HS3ST4: variants seen among roughly 807,000 people sequenced by gnomAD.
HS3ST4 encodes the protein heparan sulfate-glucosamine 3-sulfotransferase 4.
In HS3ST4, 17 loss-of-function variants were observed where a neutral mutation model predicts 29.2. The ratio of observed to expected loss-of-function variants is 0.58; its 90% confidence interval spans 0.40 to 0.87. HS3ST4 has a LOEUF of 0.87. HS3ST4 is among the 40% of genes least tolerant of loss of function. The probability of loss-of-function intolerance (pLI) is 0.00; values close to 1 mark genes in which losing one functional copy is unlikely to be tolerated. For missense variants in HS3ST4, 627 were observed against 634.5 expected, an observed-to-expected ratio of 0.99 and a Z score of 0.13; for synonymous variants, 314 against 285.7, an observed-to-expected ratio of 1.10 and a Z score of -1.00.
intron 1 of HS3ST4, among the ~76,000 whole-genome samples, chr16:25,777,966 G>T (rs1020399110): frequency 1.3e-5 from 2 of 152,154 alleles, no homozygotes; most frequent in Non-Finnish European, 2.9e-5. Context: ...CATGGTGTAT[G>T]CTTAGGAGAG....
At chr16:25,710,027 C>T (rs1292010231) in intron 1 of HS3ST4, among the ~76,000 whole-genome samples, 1 of 152,236 alleles carries the variant, frequency 6.6e-6, no homozygotes, top group East Asian at 1.9e-4. Flanking sequence ...AATTTAACAA[C>T]TAGATAGCCT....
intron 1 of HS3ST4, among the ~76,000 whole-genome samples, chr16:26,041,159 G>A (rs1427348986): frequency 1.3e-5 from 2 of 152,234 alleles, no homozygotes; most frequent in Non-Finnish European, 2.9e-5. Context: ...GCAACACAGT[G>A]AGACCTCGTC....
chr16:25,808,452 A>G (rs899828072), intron 1 of HS3ST4, among the ~76,000 whole-genome samples: 2 of 152,066 alleles, frequency 1.3e-5, no homozygotes, highest in African/African-American at 4.8e-5. Flanking sequence ...TTTCTAGCTT[A>G]TGTTTTCTCT....
intron 1 of HS3ST4, among the ~76,000 whole-genome samples, chr16:25,991,561 A>AT (rs1046002721): frequency 6.6e-6 from 1 of 152,230 alleles, no homozygotes; most frequent in Non-Finnish European, 1.5e-5. Context: ...AGCAAAGAAT[A>AT]TACTTCAAAT....
At chr16:26,069,560 AT>A (rs201055901) in intron 1 of HS3ST4, among the ~76,000 whole-genome samples, 2,620 of 150,170 alleles carry the variant, frequency 0.017, 62 homozygotes, top group African/African-American at 0.055. Flanking sequence ...ATATATATAT[AT>A]TTTTTTTTAT....
At chr16:25,992,912 C>A (rs1471652664) in intron 1 of HS3ST4, among the ~76,000 whole-genome samples, 2 of 152,150 alleles carry the variant, frequency 1.3e-5, no homozygotes, top group Non-Finnish European at 1.5e-5. Flanking sequence ...ATGCCAGATG[C>A]CACCAGGACA....
chr16:26,014,698 T>G (rs1969345796), intron 1 of HS3ST4, among the ~76,000 whole-genome samples: 2 of 152,258 alleles, frequency 1.3e-5, no homozygotes, highest in African/African-American at 2.4e-5. Flanking sequence ...GGCTGCATAG[T>G]ATTCCATGGT....
At chr16:25,902,386 C>T (rs1968127861) in intron 1 of HS3ST4, among the ~76,000 whole-genome samples, 1 of 152,024 alleles carries the variant, frequency 6.6e-6, no homozygotes, top group African/African-American at 2.4e-5. Flanking sequence ...GTCTCAGCTA[C>T]TCTGGAGGCT....
chr16:25,723,954 A>G (rs1966513397), intron 1 of HS3ST4, among the ~76,000 whole-genome samples: 1 of 152,036 alleles, frequency 6.6e-6, no homozygotes, highest in African/African-American at 2.4e-5. Context: ...TCTACTAAAC[A>G]TACAAAAAAA....
At chr16:25,877,710 C>T (rs1967847304) in intron 1 of HS3ST4, among the ~76,000 whole-genome samples, 1 of 141,952 alleles carries the variant, frequency 7.0e-6, no homozygotes, top group Admixed American at 7.3e-5. Flanking sequence ...TAAGAAATGT[C>T]TATTGTTTTA....
intron 1 of HS3ST4, among the ~76,000 whole-genome samples, chr16:25,946,385 G>A (rs1968626587): frequency 6.6e-6 from 1 of 152,230 alleles, no homozygotes; most frequent in African/African-American, 2.4e-5. Flanking sequence ...CAAAGTCTCA[G>A]AGAAATCAAG....
chr16:25,692,436 C>A lies in HS3ST4; in HGVS notation c.19C>A (p.Pro7Thr). Residue 7 changes from proline (P) to threonine (T), a missense_variant, in exon 1 of 2, where the codon CCT becomes ACT. Pro to Thr is a conservative substitution (Grantham distance 38). Coordinates refer to ENST00000331351, the MANE Select transcript of HS3ST4 (RefSeq NM_006040.3). ...AGCCGCGATGGCCCGGTGGCCCGCA[C>A]CTCCTCCGCCTCCGCCTCCGCCTCC... is the stretch of plus-strand genomic sequence containing the variant. Reference protein sequence around the residue: MARWPAPPPPPPPPPPL... With the variant: MARWPATPPPPPPPPPL... The A allele has an allele frequency of 1.7e-6, 2 of 1,188,270 alleles. No homozygotes were observed. Among genetic ancestry groups the A allele is most frequent in the Non-Finnish European group, 2.1e-6 (2 of 948,514 alleles). 73.6% of individuals were successfully genotyped at this position (1,188,270 alleles called of 1,614,324 possible). A position where few individuals can be genotyped will look rare whatever the true frequency, so the allele number is the denominator to read the frequency against.
chr16:26,017,717 C>A (rs565627051), intron 1 of HS3ST4, among the ~76,000 whole-genome samples: 96 of 152,132 alleles, frequency 6.3e-4, no homozygotes, highest in African/African-American at 2.2e-3. Context: ...ATGGGATCTT[C>A]AAGAGAGAAA....
intron 1 of HS3ST4, among the ~76,000 whole-genome samples, chr16:25,876,544 T>C (rs974999170): frequency 6.6e-6 from 1 of 152,086 alleles, no homozygotes; most frequent in Non-Finnish European, 1.5e-5. Flanking sequence ...CATACTCCTC[T>C]TTCATAAAAC....
chr16:25,866,346 C>T (rs1175201523), intron 1 of HS3ST4, among the ~76,000 whole-genome samples: 2 of 152,054 alleles, frequency 1.3e-5, no homozygotes, highest in African/African-American at 2.4e-5. Context: ...TTATTCTTCT[C>T]TATTAAAAAC....
At chr16:26,084,336 G>A (rs753282744) in intron 1 of HS3ST4, among the ~76,000 whole-genome samples, 3 of 152,176 alleles carry the variant, frequency 2.0e-5, no homozygotes, top group Non-Finnish European at 4.4e-5. Flanking sequence ...AGACTTTAGG[G>A]GATTTCTTTT....
chr16:26,036,863 G>A (rs1261830503), intron 1 of HS3ST4, among the ~76,000 whole-genome samples: 2 of 152,184 alleles, frequency 1.3e-5, no homozygotes, highest in Non-Finnish European at 2.9e-5. Context: ...CTCATAGGAT[G>A]TAAGGAAAAA....
chr16:25,910,591 C>T (rs1016129832), intron 1 of HS3ST4, among the ~76,000 whole-genome samples: 7 of 151,398 alleles, frequency 4.6e-5, no homozygotes, highest in Non-Finnish European at 7.4e-5. Flanking sequence ...TGCAGTGAGC[C>T]GAGATTGCCC....
At chr16:25,999,882 TTA>T (rs1293562190) in intron 1 of HS3ST4, among the ~76,000 whole-genome samples, 31 of 122,938 alleles carry the variant, frequency 2.5e-4, no homozygotes, top group East Asian at 4.1e-4. Context: ...TTTATATATA[TTA>T]TATATATATA....
Sources: gnomAD v4.1 joint callset for allele counts (sites outside exome capture counted in the v4.1 genomes callset) on GRCh38, gnomAD v4.1.1 for gene constraint, MANE v1.5 for transcripts, NCBI Gene and HGNC (gene_info 2026-07-23, HGNC 2026-07-21) for gene names.